SLC39A11: variants seen among roughly 807,000 people sequenced by gnomAD.
SLC39A11 encodes solute carrier family 39 member 11, also known as zinc transporter ZIP11.
In SLC39A11, 33 loss-of-function variants were observed where a neutral mutation model predicts 36.1. That is an observed-to-expected ratio of 0.91 (90% CI 0.69 to 1.22). The LOEUF is 1.22. Ranked by LOEUF, SLC39A11 falls within the 50% of genes most tolerant of loss-of-function variation. The pLI is 0.00. For missense variants in SLC39A11, 432 were observed against 430.3 expected (o/e 1.00, Z -0.03); for synonymous variants, 166 against 170.3 (o/e 0.97, Z 0.20).
chr17:72,938,287 A>T (rs1440951361), intron 5 of SLC39A11, among the ~76,000 whole-genome samples: 2 of 152,258 alleles, frequency 1.3e-5, no homozygotes, highest in East Asian at 3.9e-4. Context: ...TTCTTTAGGG[A>T]AGTGTTACAT....
chr17:72,833,124 C>T (rs928316201), intron 6 of SLC39A11, among the ~76,000 whole-genome samples: 1 of 152,218 alleles, frequency 6.6e-6, no homozygotes, highest in Admixed American at 6.5e-5. Flanking sequence ...TCCCTCTTGC[C>T]TGGTCTCCAG....
intron 3 of SLC39A11, among the ~76,000 whole-genome samples, chr17:73,070,948 G>C (rs774607816): frequency 1.3e-5 from 2 of 152,132 alleles, no homozygotes; most frequent in Non-Finnish European, 2.9e-5. Flanking sequence ...GCATGAAAAT[G>C]AACTAATACA....
intron 4 of SLC39A11, among the ~76,000 whole-genome samples, chr17:72,955,600 C>T (rs756974388): frequency 4.0e-5 from 6 of 151,834 alleles, no homozygotes; most frequent in East Asian, 1.9e-4. Flanking sequence ...TGAGCCGCAG[C>T]GCCCAGCTGA....
At position 72,964,390 on chromosome 17, in the gene SLC39A11, G is replaced by C. The variant is rs570020784; in HGVS notation, c.307-16515C>G. On this transcript the variant is annotated intron_variant, in intron 4 of 9. Transcript: ENST00000255559. ...CCCGGTCCGCATCAGCCACCTAACA[G>C]CTGTAAGCTGATGGCCTCCAGGGAG... is the stretch of plus-strand genomic sequence containing the variant. Among the ~76,000 whole-genome samples the C allele has an allele frequency of 1.2e-4, 19 of 152,358 alleles. No homozygotes were observed. In the Middle Eastern group the frequency reaches 0.01, roughly 82 times the overall value.
At chr17:72,713,473 T>G (rs1270705195) in intron 7 of SLC39A11, among the ~76,000 whole-genome samples, 1 of 152,172 alleles carries the variant, frequency 6.6e-6, no homozygotes, top group Non-Finnish European at 1.5e-5. Context: ...ACATTACCCT[T>G]AATACAGATT....
At chr17:73,058,258 G>A (rs1030024638) in intron 3 of SLC39A11, among the ~76,000 whole-genome samples, 3 of 152,224 alleles carry the variant, frequency 2.0e-5, no homozygotes, top group Non-Finnish European at 2.9e-5. Context: ...AATCCCTGGG[G>A]GCAATAATGA....
Position 72,939,678 on chromosome 17 carries a change from G to C in SLC39A11, c.430+8074C>G, listed in dbSNP as rs1282282610. On this transcript the variant is annotated intron_variant, in intron 5 of 9. Coordinates refer to ENST00000255559, the MANE Select transcript of SLC39A11 (RefSeq NM_139177.4). ...ATTGAATTGATGCAGCTACAAGCCA[G>C]GAAACGCTGGGGGCCAAAAGAAGTT... Among the ~76,000 whole-genome samples, 3 of 152,244 alleles carry C rather than the reference G, an allele frequency of 2.0e-5. No homozygotes were observed. In the East Asian group the frequency reaches 5.8e-4, roughly 29 times the overall value.
intron 4 of SLC39A11, among the ~76,000 whole-genome samples, chr17:73,027,777 G>C (rs2058608581): frequency 6.6e-6 from 1 of 152,188 alleles, no homozygotes; most frequent in South Asian, 2.1e-4. Flanking sequence ...ACGCTCCCAG[G>C]CATTGGGGCC....
intron 5 of SLC39A11, among the ~76,000 whole-genome samples, chr17:72,883,775 G>C (rs1341142697): frequency 6.6e-6 from 1 of 152,202 alleles, no homozygotes; most frequent in Non-Finnish European, 1.5e-5. Flanking sequence ...TGGAGGGAAG[G>C]GGATGCAATC....
At chr17:72,772,555 C>T (rs920922074) in intron 6 of SLC39A11, among the ~76,000 whole-genome samples, 26 of 152,218 alleles carry the variant, frequency 1.7e-4, no homozygotes, top group African/African-American at 6.3e-4. Flanking sequence ...CTGTCTCCCA[C>T]CTGGCAGGAA....
intron 6 of SLC39A11, among the ~76,000 whole-genome samples, chr17:72,797,017 G>C (rs1034349151): frequency 3.9e-5 from 6 of 152,154 alleles, no homozygotes; most frequent in South Asian, 2.1e-4. Flanking sequence ...GAACTTTCCT[G>C]AGGGAGTCAG....
At chr17:72,677,497 T>A (rs558350828) in intron 7 of SLC39A11, among the ~76,000 whole-genome samples, 1 of 152,330 alleles carries the variant, frequency 6.6e-6, no homozygotes, top group East Asian at 1.9e-4. Flanking sequence ...TCAAATTGAA[T>A]GCATCTGTAA....
chr17:72,685,945 A>C (rs1201117839), intron 7 of SLC39A11, among the ~76,000 whole-genome samples: 2 of 151,950 alleles, frequency 1.3e-5, no homozygotes, highest in Non-Finnish European at 2.9e-5. Context: ...CTGAGGCAGG[A>C]GAATTGCTTG....
intron 6 of SLC39A11, among the ~76,000 whole-genome samples, chr17:72,811,724 A>C (rs1379784253): frequency 6.6e-6 from 1 of 152,164 alleles, no homozygotes; most frequent in Non-Finnish European, 1.5e-5. Flanking sequence ...CCACTTGGGA[A>C]AAGTTTGTTG....
chr17:73,052,631 T>C (rs193259864), intron 3 of SLC39A11, among the ~76,000 whole-genome samples: 2 of 152,266 alleles, frequency 1.3e-5, no homozygotes, highest in African/African-American at 4.8e-5. Context: ...AACACATTTA[T>C]TTAGAAATGT....
At chr17:72,771,353 C>CCAAA (rs2075933822) in intron 6 of SLC39A11, among the ~76,000 whole-genome samples, 1 of 59,252 alleles carries the variant, frequency 1.7e-5, no homozygotes, top group African/African-American at 6.7e-5. Flanking sequence ...GAGACCCTAT[C>CCAAA]TAAAAAAAAA....
intron 6 of SLC39A11, among the ~76,000 whole-genome samples, chr17:72,799,888 G>C (rs770699769): frequency 5.3e-5 from 8 of 151,536 alleles, no homozygotes; most frequent in Non-Finnish European, 1.2e-4. Flanking sequence ...TGTGATCTTT[G>C]TACCTACTCT....
At chr17:72,807,596 C>T (rs964195105) in intron 6 of SLC39A11, among the ~76,000 whole-genome samples, 5 of 152,142 alleles carry the variant, frequency 3.3e-5, no homozygotes, top group African/African-American at 4.8e-5. Context: ...GATATTAAGC[C>T]GTCTAAAAAC....
At chr17:72,787,433 A>G (rs1241014965) in intron 6 of SLC39A11, among the ~76,000 whole-genome samples, 1 of 151,200 alleles carries the variant, frequency 6.6e-6, no homozygotes, top group African/African-American at 2.4e-5. Flanking sequence ...AATTTTTCGT[A>G]TTTTTAGTAA....
Sources: allele counts gnomAD v4.1 joint callset (sites outside exome capture counted in the v4.1 genomes callset), GRCh38; gene constraint gnomAD v4.1.1; transcripts MANE v1.5; gene names NCBI Gene and HGNC (gene_info 2026-07-23, HGNC 2026-07-21).